Variants in BTBD9 observed in about 807,000 individuals in gnomAD.
BTBD9 encodes the protein BTB/POZ domain-containing protein 9.
In BTBD9, 49 loss-of-function variants were observed where a neutral mutation model predicts 64.3. The observed-to-expected ratio is 0.76, with a 90% CI of 0.61 to 0.97. The LOEUF (loss-of-function observed/expected upper bound fraction) is 0.97, where lower values mean the gene tolerates loss of function less well. Ranked by LOEUF, BTBD9 falls within the 50% of genes least tolerant of loss-of-function variation. The pLI, the probability that BTBD9 is intolerant of heterozygous loss-of-function variation, is 0.00. For missense variants in BTBD9, 598 were observed against 762.1 expected (o/e 0.78, Z 2.53); for synonymous variants, 260 against 274.7 (o/e 0.95, Z 0.53).
intron 6 of BTBD9, among the ~76,000 whole-genome samples, chr6:38,560,341 G>A (rs1775211423): frequency 6.6e-6 from 1 of 152,012 alleles, no homozygotes; most frequent in Non-Finnish European, 1.5e-5. Context: ...TCAGAGAAAT[G>A]CAAATCAAAA....
At chr6:38,266,496 C>A (rs1247000841) in intron 8 of BTBD9, among the ~76,000 whole-genome samples, 1 of 151,728 alleles carries the variant, frequency 6.6e-6, no homozygotes, top group East Asian at 1.9e-4. Context: ...TCACTTGGAC[C>A]CGAGAGAAGG....
chr6:38,270,080 C>T (rs1448670696), intron 8 of BTBD9, among the ~76,000 whole-genome samples: 2 of 152,184 alleles, frequency 1.3e-5, no homozygotes, highest in South Asian at 2.1e-4. Context: ...GCAGCTAGAC[C>T]TTGCGACATT....
At chr6:38,464,684 T>C (rs1770262018) in intron 6 of BTBD9, among the ~76,000 whole-genome samples, 1 of 152,072 alleles carries the variant, frequency 6.6e-6, no homozygotes, top group Non-Finnish European at 1.5e-5. Flanking sequence ...TTAGTAGAGA[T>C]GGGGTTTCAC....
At chr6:38,337,847 C>T (rs766636415) in intron 7 of BTBD9, among the ~76,000 whole-genome samples, 1 of 152,164 alleles carries the variant, frequency 6.6e-6, no homozygotes, top group Non-Finnish European at 1.5e-5. Context: ...ACTCCCCTTA[C>T]CAGCCTGTTT....
At chr6:38,476,800 G>A (rs997844032) in intron 6 of BTBD9, among the ~76,000 whole-genome samples, 10 of 152,214 alleles carry the variant, frequency 6.6e-5, no homozygotes, top group Admixed American at 3.9e-4. Context: ...ATATTATTCA[G>A]TATAGACACA....
intron 7 of BTBD9, among the ~76,000 whole-genome samples, chr6:38,334,615 CATAACAT>C (rs1562039814): frequency 1.4e-5 from 2 of 144,668 alleles, no homozygotes. Context: ...CATAACATAA[CATAACAT>C]AACATAAAAT....
chr6:38,170,260 G>C lies in BTBD9; in HGVS notation c.*4725C>G, dbSNP rs1766701851. On this transcript the variant is annotated 3_prime_UTR_variant, in exon 11 of 11. Coordinates refer to ENST00000481247, the MANE Select transcript of BTBD9 (RefSeq NM_001099272.2). ...TTCCATGCACCTGTCCCCTGCCTCT[G>C]CATGAGCCCAGCAGAAAATCCTAGC... 2 of 152,410 alleles carry C rather than the reference G, an allele frequency of 1.3e-5. No individual in the cohort carries two copies. The highest frequency in any genetic ancestry group is 2.9e-5 in the Non-Finnish European group (2 of 68,210). The allele number at this position is 152,410 out of a possible 1,614,324, so 9.4% of individuals were successfully genotyped here. A position where few individuals can be genotyped will look rare whatever the true frequency, so the allele number is the denominator to read the frequency against.
chr6:38,434,951 T>C (rs1279035861), intron 6 of BTBD9, among the ~76,000 whole-genome samples: 5 of 151,654 alleles, frequency 3.3e-5, no homozygotes, highest in Admixed American at 2.0e-4. Context: ...TCCCAACACT[T>C]TGGGAGGCCG....
At chr6:38,314,090 T>C (rs1223671732) in intron 7 of BTBD9, among the ~76,000 whole-genome samples, 2 of 151,794 alleles carry the variant, frequency 1.3e-5, no homozygotes, top group South Asian at 2.1e-4. Context: ...AAAATATTTA[T>C]GTATTTCAAA....
intron 8 of BTBD9, among the ~76,000 whole-genome samples, chr6:38,257,091 GCACAGTCTCA>G (rs1004597973): frequency 1.4e-5 from 2 of 142,250 alleles, no homozygotes; most frequent in Admixed American, 7.1e-5. Flanking sequence ...TTTGGTAGAG[GCACAGTCTCA>G]CTATGTTGCC....
At chr6:38,177,828 G>A (rs1761345378) in intron 10 of BTBD9, among the ~76,000 whole-genome samples, 1 of 152,224 alleles carries the variant, frequency 6.6e-6, no homozygotes, top group African/African-American at 2.4e-5. Flanking sequence ...GCAAATGGCT[G>A]TTACTCCCAA....
At chr6:38,281,444 TA>T in intron 8 of BTBD9, among the ~76,000 whole-genome samples, 1 of 152,320 alleles carries the variant, frequency 6.6e-6, no homozygotes, top group South Asian at 2.1e-4. Context: ...TTATTATTAT[TA>T]TTTTTTTAGG....
At chr6:38,549,317 C>T (rs763123425) in intron 6 of BTBD9, among the ~76,000 whole-genome samples, 1 of 152,208 alleles carries the variant, frequency 6.6e-6, no homozygotes, top group Non-Finnish European at 1.5e-5. Flanking sequence ...AAACACTCAA[C>T]ACTGTGCTAG....
chr6:38,490,992 G>C (rs1771677598), intron 6 of BTBD9, among the ~76,000 whole-genome samples: 1 of 152,162 alleles, frequency 6.6e-6, no homozygotes, highest in South Asian at 2.1e-4. Flanking sequence ...ATAAAAGCCA[G>C]AATAAAAAGA....
Position 38,518,839 on chromosome 6 carries a change from A to C in BTBD9, c.1154+58761T>G, listed in dbSNP as rs1362901347. Among the ~76,000 whole-genome samples, 4 of 152,342 alleles carry C rather than the reference A, an allele frequency of 2.6e-5. No homozygotes were observed. The East Asian group carries it at 7.7e-4, about 29-fold the overall frequency. ...ATAAGGTGCCATTATACAAGGGATA[A>C]GGTTAGATTTGAAAAGAACTGGTCT... On this transcript the variant is annotated intron_variant, in intron 6 of 10. Coordinates refer to ENST00000481247, the MANE Select transcript of BTBD9 (RefSeq NM_001099272.2).
rs116998833 is a variant in BTBD9, at chr6:38,224,659, A to G, written c.1562+31750T>C. Reference sequence around the variant, plus strand: ...AAAAACTTGTGTAAGACCAAGATCTATAAGAGAGAGAATGATCCATTATTG... The same window carrying G: ...AAAAACTTGTGTAAGACCAAGATCTGTAAGAGAGAGAATGATCCATTATTG... On this transcript the variant is annotated intron_variant, in intron 9 of 10. Coordinates refer to ENST00000481247, the MANE Select transcript of BTBD9 (RefSeq NM_001099272.2). Among the ~76,000 whole-genome samples the G allele has an allele frequency of 1.5e-3, 223 of 152,342 alleles. 5 individuals are homozygous for G. The East Asian group carries it at 0.031, about 21-fold the overall frequency.
chr6:38,229,099 G>A (rs962394027), intron 9 of BTBD9, among the ~76,000 whole-genome samples: 5 of 151,788 alleles, frequency 3.3e-5, no homozygotes, highest in African/African-American at 1.2e-4. Context: ...ATGGGAGGCT[G>A]AGGCAGGAGA....
rs1484235859 is a variant in BTBD9, at chr6:38,594,075, A to G, written c.438T>C (p.Phe146=). The change falls in exon 3 of 11, where the codon TTT becomes TTC. Residue 146 remains phenylalanine, a synonymous_variant. Transcript: ENST00000481247. ...ILNIQNVCMT[F]DVASLYSLPK... is the part of the protein sequence containing the mutation. ...GAAGTGAGTAGAGACTGGCAACATCAAAAGTCATGCAGACATTCTGAATGT... is the reference window on the plus strand; with the variant it reads ...GAAGTGAGTAGAGACTGGCAACATCGAAAGTCATGCAGACATTCTGAATGT... 9 of 1,614,212 alleles carry G rather than the reference A, an allele frequency of 5.6e-6. No homozygotes were observed. Among genetic ancestry groups the G allele is most frequent in the Non-Finnish European group, 6.8e-6 (8 of 1,180,020 alleles).
At position 38,169,483 on chromosome 6, in the gene BTBD9, C is replaced by CAGAT. The variant is rs3833668; in HGVS notation, c.*5501_*5502insATCT. The stretch of plus-strand genomic sequence containing the variant: ...TGGTGGGGAGCAATTTGGCAGCAGA[C>CAGAT]GGACTAATATCAACGTCTCCAGTGA... On this transcript the variant is annotated 3_prime_UTR_variant, in exon 11 of 11. Coordinates refer to ENST00000481247, the MANE Select transcript of BTBD9 (RefSeq NM_001099272.2). 100,938 of 151,720 alleles carry CAGAT rather than the reference C, an allele frequency of 0.67. 33,757 individuals carry two copies. The highest frequency in any genetic ancestry group is 0.7 in the Non-Finnish European group (47,755 of 67,914). The allele number at this position is 151,720 out of a possible 1,614,324, so 9.4% of individuals were successfully genotyped here. A position where few individuals can be genotyped will look rare whatever the true frequency, so the allele number is the denominator to read the frequency against.
Sources: gnomAD v4.1 joint callset for allele counts (sites outside exome capture counted in the v4.1 genomes callset) on GRCh38, gnomAD v4.1.1 for gene constraint, MANE v1.5 for transcripts, NCBI Gene and HGNC (gene_info 2026-07-23, HGNC 2026-07-21) for gene names.